The following KYNU variants were observed in gnomAD, a reference collection of about 807,000 sequenced individuals.
KYNU encodes the protein L-kynurenine hydrolase.
KYNU carries 54 observed loss-of-function variants against 59.2 expected under a neutral mutation model. The observed-to-expected ratio is 0.91, with a 90% CI of 0.73 to 1.14. KYNU has a LOEUF of 1.14. KYNU is among the 50% of genes most tolerant of loss of function. The pLI is 0.00. For missense variants in KYNU, 567 were observed against 554.4 expected (o/e 1.02, Z -0.23); for synonymous variants, 177 against 192.0 (o/e 0.92, Z 0.65).
chr2:142,967,413 A>G (rs1325981954), intron 8 of KYNU: 3 of 152,096 alleles, frequency 2.0e-5, no homozygotes, highest in African/African-American at 7.2e-5. Flanking sequence ...GTGCCATATG[A>G]TGCTTTGTTT....
intron 10 of KYNU, among the ~76,000 whole-genome samples, chr2:143,019,174 C>G (rs1020814086): frequency 6.6e-6 from 1 of 151,996 alleles, no homozygotes; most frequent in Non-Finnish European, 1.5e-5. Context: ...GTAATATGTT[C>G]AACAGCAGTG....
intron 9 of KYNU, 129 bp downstream of exon 9, chr2:142,985,311 C>CT (rs1685167783): frequency 2.9e-6 from 2 of 696,040 alleles, no homozygotes; most frequent in Non-Finnish European, 5.3e-6. Context: ...GTATTTTCTG[C>CT]TTTTTGTTAA....
At chr2:142,885,217 G>C in intron 1 of KYNU, 132 bp from the exon 2 acceptor site, 1 of 704,466 alleles carries the variant, frequency 1.4e-6, no homozygotes, top group Non-Finnish European at 2.5e-6. Context: ...TTTAATGCTG[G>C]TTGGTTAAGT....
In KYNU at chr2:142,932,403, A is replaced by G. The variant is rs572973817; in HGVS notation, c.373+4662A>G. On this transcript the variant is annotated intron_variant, in intron 4 of 13. Transcript: ENST00000264170. ...GAGAAACTGGCCTTGCACGGATCAT[A>G]GGGCTATTTGTTTCACTACCTGATC... Among the ~76,000 whole-genome samples, 275 of 152,114 alleles carry G rather than the reference A, an allele frequency of 1.8e-3. 1 individual carries two copies. The highest frequency in any genetic ancestry group is 3.1e-3 in the Non-Finnish European group (208 of 68,016).
In KYNU at chr2:143,040,597, CA is replaced by C; in HGVS notation, c.1213del (p.Ile405Ter). 1 of 1,611,988 alleles carries C rather than the reference CA, an allele frequency of 6.2e-7. No homozygotes were observed. Among genetic ancestry groups the C allele is most frequent in the Non-Finnish European group, 8.5e-7 (1 of 1,178,850 alleles). On this transcript the variant is annotated frameshift_variant, in exon 13 of 14. Coordinates refer to ENST00000264170, the MANE Select transcript of KYNU (RefSeq NM_003937.3). LOFTEE classifies it high-confidence loss of function. ...GTAGAGGAGCGGGGGTGCCAGCTAA[CA>C]ATAACATTTTCTGTTCCAAACAAAG... ...SHVEERGCQL[T>X]ITFSVPNKDV...
chr2:142,995,099 A>G (rs1685504247), intron 10 of KYNU, among the ~76,000 whole-genome samples: 1 of 152,100 alleles, frequency 6.6e-6, no homozygotes, highest in South Asian at 2.1e-4. Context: ...TCAAAGGATT[A>G]TTTTACCAAT....
In KYNU at chr2:142,930,921, C is replaced by T. The variant is rs143655344; in HGVS notation, c.373+3180C>T. Among the ~76,000 whole-genome samples, 1,178 of 152,208 alleles carry T rather than the reference C, an allele frequency of 7.7e-3. 11 individuals are homozygous for T. The highest frequency in any genetic ancestry group is 0.02 in the Middle Eastern group (6 of 294). ...TGGAGCAACATGCTGTTTTAATGAG[C>T]GCCTGGGTGCAGGCGGGCTGAGGCC... On this transcript the variant is annotated intron_variant, in intron 4 of 13. Transcript: ENST00000264170.
At chr2:142,954,446 C>A (rs1684096419) in intron 4 of KYNU, among the ~76,000 whole-genome samples, 1 of 152,082 alleles carries the variant, frequency 6.6e-6, no homozygotes, top group East Asian at 1.9e-4. Context: ...GCCTTAATAT[C>A]TTTTTAGATT....
At chr2:142,923,631 A>T (rs1401293863) in intron 3 of KYNU, among the ~76,000 whole-genome samples, 1 of 152,218 alleles carries the variant, frequency 6.6e-6, no homozygotes, top group African/African-American at 2.4e-5. Context: ...ATTCAGCTAG[A>T]ACAGAAGGAT....
intron 2 of KYNU, among the ~76,000 whole-genome samples, chr2:142,895,117 G>C (rs1349221942): frequency 3.9e-5 from 6 of 152,122 alleles, no homozygotes; most frequent in Admixed American, 3.3e-4. Flanking sequence ...CATCAGGAGA[G>C]TTTATTATTG....
At chr2:143,007,708 C>G (rs1573894424) in intron 10 of KYNU, among the ~76,000 whole-genome samples, 2 of 121,886 alleles carry the variant, frequency 1.6e-5, no homozygotes, top group Admixed American at 1.6e-4. Flanking sequence ...CAGCGGATCT[C>G]TCGGCAGAAA....
chr2:142,904,767 C>T (rs1682226219), intron 2 of KYNU, among the ~76,000 whole-genome samples: 1 of 152,138 alleles, frequency 6.6e-6, no homozygotes, highest in African/African-American at 2.4e-5. Context: ...CTACAGTGTT[C>T]TCTATGGTCC....
At chr2:142,983,078 GGCATCAGA>G (rs1685094059) in intron 8 of KYNU, among the ~76,000 whole-genome samples, 1 of 151,972 alleles carries the variant, frequency 6.6e-6, no homozygotes, top group Non-Finnish European at 1.5e-5. Flanking sequence ...GGATCACCTT[GGCATCAGA>G]GCATCAAGGT....
intron 2 of KYNU, among the ~76,000 whole-genome samples, chr2:142,915,764 G>A (rs776649931): frequency 1.2e-4 from 19 of 152,176 alleles, no homozygotes; most frequent in Non-Finnish European, 2.4e-4. Context: ...TCTTGAGCTC[G>A]TAAACAAGTT....
chr2:142,898,579 A>G (rs1321567287), intron 2 of KYNU, among the ~76,000 whole-genome samples: 2 of 152,224 alleles, frequency 1.3e-5, no homozygotes, highest in Non-Finnish European at 2.9e-5. Context: ...TTCTAAACTC[A>G]AATACCTAGC....
Position 143,049,826 on chromosome 2 carries a change from T to G in KYNU, c.*7654T>G, listed in dbSNP as rs1274694471. 1 of 152,174 alleles carries G rather than the reference T, an allele frequency of 6.6e-6. No homozygotes were observed. Among genetic ancestry groups the G allele is most frequent in the Admixed American group, 6.5e-5 (1 of 15,270 alleles). The allele number at this position is 152,174 out of a possible 1,614,324, so 9.4% of individuals were successfully genotyped here. ...ATGCCTTGTTTCCTTTGTAGTTTTG[T>G]GATTGATAGCTTCGAACTGCTCATT... On this transcript the variant is annotated 3_prime_UTR_variant, in exon 14 of 14. Coordinates refer to ENST00000264170, the MANE Select transcript of KYNU (RefSeq NM_003937.3).
intron 12 of KYNU, among the ~76,000 whole-genome samples, chr2:143,038,028 A>C (rs552447474): frequency 6.6e-6 from 1 of 152,154 alleles, no homozygotes; most frequent in Non-Finnish European, 1.5e-5. Flanking sequence ...ATACCAAAAA[A>C]ATTGGTTTCT....
intron 12 of KYNU, among the ~76,000 whole-genome samples, chr2:143,035,550 G>A (rs1027668172): frequency 6.6e-6 from 1 of 152,110 alleles, no homozygotes; most frequent in Non-Finnish European, 1.5e-5. Context: ...AAACATCAGT[G>A]AATTAACTAT....
At chr2:142,946,209 G>A (rs919539331) in intron 4 of KYNU, among the ~76,000 whole-genome samples, 8 of 151,444 alleles carry the variant, frequency 5.3e-5, no homozygotes, top group African/African-American at 1.9e-4. Context: ...AGCTTCCCCC[G>A]AGTACCTGGG....
Sources: allele counts gnomAD v4.1 joint callset (sites outside exome capture counted in the v4.1 genomes callset), GRCh38; gene constraint gnomAD v4.1.1; transcripts MANE v1.5; gene names NCBI Gene and HGNC (gene_info 2026-07-23, HGNC 2026-07-21).